SHLD1: variants seen among roughly 807,000 people sequenced by gnomAD.
SHLD1 encodes RINN1-REV7-interacting novel NHEJ regulator 3.
A neutral mutation model predicts 5.5 loss-of-function variants in SHLD1; 3 were observed. The observed-to-expected ratio is 0.54, with a 90% confidence interval of 0.25 to 1.40. The LOEUF (loss-of-function observed/expected upper bound fraction) is 1.40, where lower values mean the gene tolerates loss of function less well. Among genes scored for constraint, SHLD1 ranks in the 40% most tolerant of loss-of-function variants. The pLI, the probability that SHLD1 is intolerant of heterozygous loss-of-function variation, is 0.15. For synonymous variants in SHLD1, 92 were observed against 94.3 expected (o/e 0.98, Z 0.14); for missense variants, 210 against 244.4 (o/e 0.86, Z 0.94).
At chr20:5,824,585 C>T in intron 2 of SHLD1, among the ~76,000 whole-genome samples, 1 of 149,456 alleles carries the variant, frequency 6.7e-6, no homozygotes, top group East Asian at 2.0e-4. Flanking sequence ...TATTATTTCT[C>T]TTCTATGATC....
intron 2 of SHLD1, among the ~76,000 whole-genome samples, chr20:5,835,423 A>G (rs186521551): frequency 1.3e-5 from 2 of 152,316 alleles, no homozygotes; most frequent in East Asian, 3.9e-4. Context: ...GAAAACAAAC[A>G]CAGATATTCA....
intron 2 of SHLD1, among the ~76,000 whole-genome samples, chr20:5,849,776 G>A (rs1490287538): frequency 6.7e-6 from 1 of 150,366 alleles, no homozygotes; most frequent in East Asian, 2.0e-4. Flanking sequence ...TGGCTAACAA[G>A]GTGAAACCCC....
intron 2 of SHLD1, among the ~76,000 whole-genome samples, chr20:5,807,082 G>A (rs543403827): frequency 2.0e-4 from 30 of 152,270 alleles, no homozygotes; most frequent in African/African-American, 7.2e-4. Flanking sequence ...CCTCCTGGGT[G>A]GCCTTTGCCT....
intron 2 of SHLD1, among the ~76,000 whole-genome samples, chr20:5,807,290 T>C (rs988879392): frequency 6.6e-6 from 1 of 152,222 alleles, no homozygotes; most frequent in South Asian, 2.1e-4. Flanking sequence ...TTACTATTTA[T>C]TTTTTCCTTC....
chr20:5,813,303 C>T lies in SHLD1; in HGVS notation c.178+40260C>T, dbSNP rs531737599. Among the ~76,000 whole-genome samples, 39 of 151,986 alleles carry T rather than the reference C, an allele frequency of 2.6e-4. No homozygotes were observed. The South Asian group carries it at 6.7e-3, about 26-fold the overall frequency. The stretch of plus-strand genomic sequence containing the variant: ...AGGAGTTCAAAACCAGCCTGACCAA[C>T]GTGGTGAAACCCTGTCTCTACTAAA... On this transcript the variant is annotated intron_variant, in intron 2 of 2. Coordinates refer to ENST00000303142, the MANE Select transcript of SHLD1 (RefSeq NM_152504.4).
At chr20:5,810,601 G>A (rs557782926) in intron 2 of SHLD1, among the ~76,000 whole-genome samples, 16 of 152,002 alleles carry the variant, frequency 1.1e-4, no homozygotes, top group African/African-American at 2.7e-4. Context: ...ACCAATAGAC[G>A]TATTTCTGTA....
chr20:5,783,009 C>T (rs192828670), intron 2 of SHLD1, among the ~76,000 whole-genome samples: 2 of 152,162 alleles, frequency 1.3e-5, no homozygotes, highest in East Asian at 1.9e-4. Context: ...GTGGCTAATA[C>T]CCAGTCACTA....
chr20:5,795,121 C>G (rs898035290), intron 2 of SHLD1, among the ~76,000 whole-genome samples: 3 of 151,836 alleles, frequency 2.0e-5, no homozygotes, highest in African/African-American at 7.3e-5. Context: ...CACCTGTAAT[C>G]CCAGCTACTC....
chr20:5,754,334 C>T (rs1364569593), intron 1 of SHLD1, among the ~76,000 whole-genome samples: 2 of 152,056 alleles, frequency 1.3e-5, no homozygotes, highest in Non-Finnish European at 2.9e-5. Flanking sequence ...TGGTCTTGAA[C>T]TCCTGGGCTT....
intron 2 of SHLD1, among the ~76,000 whole-genome samples, chr20:5,796,222 TA>T (rs2087210135): frequency 6.6e-6 from 1 of 152,196 alleles, no homozygotes; most frequent in Admixed American, 6.5e-5. Flanking sequence ...AACATTTTTA[TA>T]GCTGTTTATT....
chr20:5,820,106 C>G (rs2087589365), intron 2 of SHLD1, among the ~76,000 whole-genome samples: 1 of 152,194 alleles, frequency 6.6e-6, no homozygotes, highest in African/African-American at 2.4e-5. Context: ...TGCCACCATG[C>G]CTGGCTGATT....
chr20:5,825,028 C>G (rs2087650430), intron 2 of SHLD1, among the ~76,000 whole-genome samples: 1 of 152,168 alleles, frequency 6.6e-6, no homozygotes, highest in African/African-American at 2.4e-5. Flanking sequence ...CAGTTGGAAC[C>G]TGAAAGAATA....
intron 2 of SHLD1, among the ~76,000 whole-genome samples, chr20:5,795,036 C>T (rs965812157): frequency 2.0e-5 from 3 of 151,592 alleles, no homozygotes; most frequent in African/African-American, 7.3e-5. Context: ...GTCAGGAGTT[C>T]GGGACCAGCC....
At chr20:5,851,362 A>C (rs1052408191) in intron 2 of SHLD1, among the ~76,000 whole-genome samples, 1 of 152,090 alleles carries the variant, frequency 6.6e-6, no homozygotes, top group Non-Finnish European at 1.5e-5. Flanking sequence ...ATGGTGGTGC[A>C]TGCCTGCAGT....
chr20:5,859,110 G>A (rs975697002), intron 2 of SHLD1, among the ~76,000 whole-genome samples: 7 of 152,128 alleles, frequency 4.6e-5, no homozygotes, highest in African/African-American at 1.7e-4. Context: ...GTCTGAGAAG[G>A]GAAAATGTGT....
intron 2 of SHLD1, among the ~76,000 whole-genome samples, chr20:5,775,407 G>A (rs575440530): frequency 6.6e-6 from 1 of 152,236 alleles, no homozygotes; most frequent in East Asian, 1.9e-4. Flanking sequence ...ATTCCCTTAG[G>A]GAATTCAGTG....
At chr20:5,810,711 G>T (rs367751613) in intron 2 of SHLD1, among the ~76,000 whole-genome samples, 19 of 150,728 alleles carry the variant, frequency 1.3e-4, no homozygotes, top group African/African-American at 4.7e-4. Context: ...ACTGGCCAAC[G>T]TGGTGAAACC....
intron 2 of SHLD1, among the ~76,000 whole-genome samples, chr20:5,781,546 C>T (rs1209061716): frequency 2.0e-5 from 3 of 152,106 alleles, no homozygotes; most frequent in Admixed American, 1.3e-4. Flanking sequence ...GGTGCAATCT[C>T]GGCTCCCTGC....
chr20:5,821,966 C>G (rs990877075), intron 2 of SHLD1, among the ~76,000 whole-genome samples: 3 of 152,074 alleles, frequency 2.0e-5, no homozygotes, highest in Non-Finnish European at 4.4e-5. Context: ...TCATACAGAC[C>G]AACCCTGGGA....
Sources: gnomAD v4.1 joint callset for allele counts (sites outside exome capture counted in the v4.1 genomes callset) on GRCh38, gnomAD v4.1.1 for gene constraint, MANE v1.5 for transcripts, NCBI Gene and HGNC (gene_info 2026-07-23, HGNC 2026-07-21) for gene names.